The following PALD1 variants were observed in gnomAD, a reference collection of about 807,000 sequenced individuals.
PALD1 encodes the protein phosphatase domain containing paladin 1, also known as paladin.
Under a neutral mutation model 96.0 loss-of-function variants are expected in PALD1, and 57 were observed. The observed-to-expected ratio is 0.59, with a 90% CI of 0.48 to 0.74. The LOEUF is 0.74. PALD1 is among the 30% of genes least tolerant of loss of function. The probability of loss-of-function intolerance (pLI) is 0.00; values close to 1 mark genes in which losing one functional copy is unlikely to be tolerated. For missense variants in PALD1, 1,063 were observed against 1,143.7 expected, an observed-to-expected ratio of 0.93 and a Z score of 1.02; for synonymous variants, 464 against 473.6, an observed-to-expected ratio of 0.98 and a Z score of 0.26.
chr10:70,494,280 A>G (rs1163867649), intron 1 of PALD1, among the ~76,000 whole-genome samples: 1 of 152,164 alleles, frequency 6.6e-6, no homozygotes, highest in African/African-American at 2.4e-5. Context: ...ACTAATTTAT[A>G]TAGTTTATTT....
At chr10:70,505,717 G>C (rs562363151) in intron 1 of PALD1, among the ~76,000 whole-genome samples, 1 of 152,096 alleles carries the variant, frequency 6.6e-6, no homozygotes, top group Non-Finnish European at 1.5e-5. Context: ...TGGTCATTCT[G>C]TCAAGTAAAA....
rs371470480 is a variant in PALD1 at position 70,538,282 on chromosome 10, C to T, written c.1326C>T (p.Tyr442=). The T allele has an allele frequency of 3.7e-6, 6 of 1,601,820 alleles. No homozygotes were observed. Among genetic ancestry groups the T allele is most frequent in the East Asian group, 4.5e-5 (2 of 44,878 alleles). ...CGTCTCTCTGCCTCGGGCTGCAGTA[C>T]CCGCTGGCCTTTGCCCTCAGTTTCA... ...ILFNYYLHEQ[Y]PLAFALSFSR... Residue 442 remains tyrosine (Y), a splice_region_variant and synonymous_variant, in exon 12 of 20, where the codon TAC becomes TAT. Coordinates refer to ENST00000263563, the MANE Select transcript of PALD1 (RefSeq NM_014431.3).
At chr10:70,519,082 A>G (rs771099469) in intron 1 of PALD1, among the ~76,000 whole-genome samples, 1 of 152,194 alleles carries the variant, frequency 6.6e-6, no homozygotes, top group Non-Finnish European at 1.5e-5. Flanking sequence ...CAGTTGCCTC[A>G]TCTGTGGAAA....
At chr10:70,566,270 G>A (rs74141914) in intron 19 of PALD1, among the ~76,000 whole-genome samples, 4,827 of 152,272 alleles carry the variant, frequency 0.032, 194 homozygotes, top group African/African-American at 0.093. Context: ...GCTCCTGGGC[G>A]TCCACGTGGG....
chr10:70,554,923 TCCCCCTCCTCCC>T (rs1564710349), intron 18 of PALD1, among the ~76,000 whole-genome samples: 2 of 8,066 alleles, frequency 2.5e-4, no homozygotes, highest in African/African-American at 4.7e-4. Flanking sequence ...TCTCCTCCCC[TCCCCCTCCTCCC>T]CCTCCCCTCC....
the PALD1 span, among the ~76,000 whole-genome samples, chr10:70,470,265 G>T: frequency 6.6e-6 from 1 of 152,184 alleles, no homozygotes; most frequent in Non-Finnish European, 1.5e-5. Context: ...TGGACAATGG[G>T]TGTATAGAAT....
intron 1 of PALD1, among the ~76,000 whole-genome samples, chr10:70,505,407 T>C (rs925535953): frequency 2.0e-5 from 3 of 151,974 alleles, no homozygotes; most frequent in African/African-American, 7.3e-5. Context: ...ACTAGCCTGT[T>C]CGAGACCAAC....
chr10:70,505,530 G>C (rs552693102), intron 1 of PALD1, among the ~76,000 whole-genome samples: 3 of 152,104 alleles, frequency 2.0e-5, no homozygotes, highest in Non-Finnish European at 4.4e-5. Flanking sequence ...CTTCAACCCG[G>C]GAGGCGGAGG....
chr10:70,519,293 G>A (rs954618714), intron 1 of PALD1, among the ~76,000 whole-genome samples: 1 of 152,096 alleles, frequency 6.6e-6, no homozygotes, highest in Non-Finnish European at 1.5e-5. Context: ...CATGAACTGG[G>A]TATCTTAAAA....
At chr10:70,458,656 G>C in the PALD1 span, among the ~76,000 whole-genome samples, 2 of 152,176 alleles carry the variant, frequency 1.3e-5, no homozygotes, top group Non-Finnish European at 2.9e-5. Flanking sequence ...TCCCGCCGCC[G>C]GGGCCGGGAC....
the PALD1 span, among the ~76,000 whole-genome samples, chr10:70,460,150 C>G: frequency 1.3e-5 from 2 of 152,200 alleles, no homozygotes; most frequent in African/African-American, 2.4e-5. Context: ...TGGGCCCCTG[C>G]TCAGTCCTCT....
intron 1 of PALD1, among the ~76,000 whole-genome samples, chr10:70,502,189 A>G (rs1017323386): frequency 5.3e-5 from 8 of 152,312 alleles, no homozygotes; most frequent in African/African-American, 1.9e-4. Context: ...TGCTCTCAAC[A>G]GGACTTCTTG....
At chr10:70,508,657 G>A (rs1348558976) in intron 1 of PALD1, among the ~76,000 whole-genome samples, 5 of 152,180 alleles carry the variant, frequency 3.3e-5, no homozygotes, top group Non-Finnish European at 7.4e-5. Context: ...GCAGGTCTCC[G>A]GCCACCCGTG....
In PALD1 at chr10:70,564,420, G is replaced by C; in HGVS notation, c.2319G>C (p.Gln773His). 1 of 1,614,152 alleles carries C rather than the reference G, an allele frequency of 6.2e-7. No individual in the cohort carries two copies. The highest frequency in any genetic ancestry group is 8.5e-7 in the Non-Finnish European group (1 of 1,179,988). ...GGAGGCTGCAGCTGCGGAGCCTGCA[G>C]TACTTGGAGCGCTATGTCTGCCTGA... ...EMRRLQLRSL[Q>H]YLERYVCLIL... Residue 773 changes from glutamine (Q) to histidine (H), a missense_variant, in exon 19 of 20, where the codon CAG (glutamine) becomes CAC (histidine). By Grantham distance (24) the Gln-to-His change is conservative. Coordinates refer to ENST00000263563, the MANE Select transcript of PALD1 (RefSeq NM_014431.3).
At chr10:70,529,393 TCCCTCCCTC>T in intron 3 of PALD1, 62 bp downstream of exon 3, 1 of 779,520 alleles carries the variant, frequency 1.3e-6, no homozygotes, top group Admixed American at 2.0e-5. Context: ...TCTCATGAAT[TCCCTCCCTC>T]ACCTCCCTCT....
chr10:70,538,745 G>A (rs1847167251), intron 12 of PALD1, 147 bp from the exon 13 acceptor site: 7 of 704,264 alleles, frequency 9.9e-6, no homozygotes, highest in African/African-American at 1.8e-5. Context: ...TGCCAGGGCC[G>A]GGGGAAGCTC....
chr10:70,516,113 C>T (rs1265234026), intron 1 of PALD1, among the ~76,000 whole-genome samples: 1 of 152,210 alleles, frequency 6.6e-6, no homozygotes, highest in African/African-American at 2.4e-5. Context: ...AGAAATCTCA[C>T]AGGAGCCACG....
intron 2 of PALD1, among the ~76,000 whole-genome samples, chr10:70,528,220 T>A (rs55798805): frequency 9.8e-4 from 149 of 152,332 alleles, no homozygotes; most frequent in Non-Finnish European, 1.9e-3. Flanking sequence ...TCATATTCAT[T>A]GTTATCATCA....
intron 17 of PALD1, among the ~76,000 whole-genome samples, chr10:70,542,590 T>C (rs1156960597): frequency 6.6e-6 from 1 of 152,246 alleles, no homozygotes; most frequent in African/African-American, 2.4e-5. Flanking sequence ...TTACCCACAT[T>C]GTAATATGTG....
Sources: allele counts gnomAD v4.1 joint callset (sites outside exome capture counted in the v4.1 genomes callset), GRCh38; gene constraint gnomAD v4.1.1; transcripts MANE v1.5; gene names NCBI Gene and HGNC (gene_info 2026-07-23, HGNC 2026-07-21).